The following COL4A3 variants were observed in gnomAD, a reference collection of about 807,000 sequenced individuals.
The protein encoded by COL4A3 is collagen type IV alpha 3 chain, also known as collagen alpha-3(IV) chain.
A neutral mutation model predicts 217.4 loss-of-function variants in COL4A3; 135 were observed. The ratio of observed to expected loss-of-function variants is 0.62; its 90% CI spans 0.54 to 0.72. The LOEUF is 0.72. Ranked by LOEUF, COL4A3 falls within the 30% of genes least tolerant of loss-of-function variation. The pLI is 0.00. For missense variants in COL4A3, 1,868 were observed against 2,119.9 expected, an observed-to-expected ratio of 0.88 and a Z score of 2.33; for synonymous variants, 690 against 736.3, an observed-to-expected ratio of 0.94 and a Z score of 1.02.
chr2:227,193,219 G>T (rs1176942254), intron 1 of COL4A3, among the ~76,000 whole-genome samples: 1 of 151,990 alleles, frequency 6.6e-6, no homozygotes, highest in African/African-American at 2.4e-5. Context: ...AAACAATGAA[G>T]GAATTCTACA....
rs1156248717 is a variant in COL4A3 at position 227,253,258 on chromosome 2, A to G, written c.646-38A>G. 16 of 1,574,248 alleles carry G rather than the reference A, an allele frequency of 1.0e-5. No homozygotes were observed. The highest frequency in any genetic ancestry group is 1.4e-5 in the Non-Finnish European group (16 of 1,143,962). The stretch of plus-strand genomic sequence containing the variant: ...GGGTTTAGACTATTTATTCATATTT[A>G]TTTTTAGAAAATAATTTGGTTTTGT... On this transcript the variant is annotated intron_variant, in intron 11 of 51. Coordinates refer to ENST00000396578, the MANE Select transcript of COL4A3 (RefSeq NM_000091.5). This position sits in a 1 kb window ranked among gnomAD's most constrained non-coding sequence, Gnocchi z 4.4.
intron 1 of COL4A3, among the ~76,000 whole-genome samples, chr2:227,225,763 G>A (rs2068056114): frequency 6.9e-6 from 1 of 145,638 alleles, no homozygotes. Context: ...CCAGACTGGA[G>A]TGTAGTGATG....
intron 1 of COL4A3, among the ~76,000 whole-genome samples, chr2:227,187,724 G>A (rs988647075): frequency 2.6e-5 from 4 of 152,142 alleles, no homozygotes; most frequent in Non-Finnish European, 5.9e-5. Context: ...GACAACCAAC[G>A]CATGTATGTC....
Position 227,195,882 on chromosome 2 carries a change from A to T in COL4A3, c.87+31069A>T, listed in dbSNP as rs182587662. Among the ~76,000 whole-genome samples the T allele has an allele frequency of 3.0e-3, 424 of 143,234 alleles. 3 individuals are homozygous for T. The highest frequency in any genetic ancestry group is 0.011 in the African/African-American group (406 of 38,160). The allele number at this position is 143,234 out of a possible 152,430, so 94.0% of individuals were successfully genotyped here. A position where few individuals can be genotyped will look rare whatever the true frequency, so the allele number is the denominator to read the frequency against. On this transcript the variant is annotated intron_variant, in intron 1 of 51. Coordinates refer to ENST00000396578, the MANE Select transcript of COL4A3 (RefSeq NM_000091.5). ...CCCGACCGTGTATAGGCCTAGGCTA[A>T]TGTGTGTGTTTGTGTCTGTATTCTT... is the stretch of plus-strand genomic sequence containing the variant.
At chr2:227,185,441 A>G (rs2066000253) in intron 1 of COL4A3, among the ~76,000 whole-genome samples, 1 of 152,234 alleles carries the variant, frequency 6.6e-6, no homozygotes, top group African/African-American at 2.4e-5. Flanking sequence ...TTTTAGCTGT[A>G]TGAGAAGAAG....
intron 1 of COL4A3, among the ~76,000 whole-genome samples, chr2:227,189,998 A>G (rs2066170965): frequency 6.6e-6 from 1 of 152,198 alleles, no homozygotes; most frequent in South Asian, 2.1e-4. Flanking sequence ...TTGGAGTTGC[A>G]TGCTCTAACG....
rs200512461 is a variant in COL4A3, at chr2:227,308,959, A to C, written c.4523A>C (p.Asn1508Thr). ...TTMPFLFCNV[N>T]DVCNFASRND... ...ATGCCATTCTTATTCTGCAATGTCA[A>C]TGATGTATGTAATTTTGCATCTCGA... The change falls in exon 49 of 52, where the codon AAT becomes ACT. Residue 1508 changes from asparagine to threonine, a missense_variant. Asn to Thr is a moderately conservative substitution (Grantham distance 65, BLOSUM62 0). Coordinates refer to ENST00000396578, the MANE Select transcript of COL4A3 (RefSeq NM_000091.5). The C allele has an allele frequency of 6.2e-7, 1 of 1,614,068 alleles. No individual in the cohort carries two copies. Among genetic ancestry groups the C allele is most frequent in the Non-Finnish European group, 8.5e-7 (1 of 1,180,036 alleles).
chr2:227,300,468 C>T (rs1297309976), intron 43 of COL4A3, among the ~76,000 whole-genome samples: 1 of 152,216 alleles, frequency 6.6e-6, no homozygotes, highest in African/African-American at 2.4e-5. Context: ...AGCCTGCAAT[C>T]TCTCAATTCA....
At chr2:227,215,365 CTGA>C (rs1396090962) in intron 1 of COL4A3, among the ~76,000 whole-genome samples, 4 of 152,134 alleles carry the variant, frequency 2.6e-5, no homozygotes, top group Non-Finnish European at 4.4e-5. Context: ...ATAAATCTGT[CTGA>C]TGTTTTTATG....
chr2:227,200,749 T>C (rs1455586513), intron 1 of COL4A3, among the ~76,000 whole-genome samples: 1 of 152,224 alleles, frequency 6.6e-6, no homozygotes, highest in African/African-American at 2.4e-5. Flanking sequence ...TGTAAACTTG[T>C]TTCTGTCATA....
Position 227,307,827 on chromosome 2 carries a change from T to A in COL4A3, c.4370T>A (p.Ile1457Asn). 1 of 1,614,156 alleles carries A rather than the reference T, an allele frequency of 6.2e-7. No individual in the cohort carries two copies. Among genetic ancestry groups the A allele is most frequent in the South Asian group, 1.1e-5 (1 of 91,078 alleles). The change falls in exon 48 of 52, where the codon ATT becomes AAT. Residue 1457 changes from isoleucine to asparagine, a missense_variant. Ile to Asn is a moderately radical substitution (Grantham distance 149). This residue lies in a region of COL4A3 where 1,503 missense variants were observed against 1,786.1 expected (regional missense o/e 0.84). Transcript: ENST00000396578. Reference protein sequence around the residue: ...VFTRHSQTTAIPSCPEGTVPL... With the variant: ...VFTRHSQTTANPSCPEGTVPL... ...ACCCGACACAGTCAAACCACAGCAA[T>A]TCCTTCATGTCCAGAGGGGACAGTG... is the stretch of plus-strand genomic sequence containing the variant.
chr2:227,258,616 C>T (rs983784173), intron 18 of COL4A3, among the ~76,000 whole-genome samples: 4 of 152,208 alleles, frequency 2.6e-5, no homozygotes, highest in African/African-American at 7.2e-5. Context: ...TGACCTGAGG[C>T]TGCTCAAAGC....
chr2:227,268,118 A>G (rs756184904), intron 23 of COL4A3, among the ~76,000 whole-genome samples: 1 of 152,174 alleles, frequency 6.6e-6, no homozygotes, highest in African/African-American at 2.4e-5. Flanking sequence ...TCTTCAGACA[A>G]TGTCATCAAA....
rs1330484646 is a variant in COL4A3, at chr2:227,219,486, A to G, written c.88-18482A>G. On this transcript the variant is annotated intron_variant, in intron 1 of 51. Transcript: ENST00000396578. ...TAATTCCCCCTTGGCTTTCTTGTCT[A>G]TCTGCTTCTAAGATTTTATTTACTT... Among the ~76,000 whole-genome samples the G allele has an allele frequency of 2.6e-5, 4 of 152,262 alleles. No homozygotes were observed. The East Asian group carries it at 7.7e-4, about 29-fold the overall frequency.
chr2:227,173,823 T>A (rs1250920861), intron 1 of COL4A3, among the ~76,000 whole-genome samples: 1 of 152,218 alleles, frequency 6.6e-6, no homozygotes, highest in Non-Finnish European at 1.5e-5. Flanking sequence ...CTATTAAGTC[T>A]TCAAGGTCTG....
In COL4A3 at chr2:227,246,364, C is replaced by T. The variant is rs975813520; in HGVS notation, c.388-321C>T. ...CTGTTCACTCACCTCCTTTTGTTTT[C>T]GAACTGAGCTCTCCTTTTCTCCAGA... is the stretch of plus-strand genomic sequence containing the variant. On this transcript the variant is annotated intron_variant, in intron 6 of 51. Coordinates refer to ENST00000396578, the MANE Select transcript of COL4A3 (RefSeq NM_000091.5). The T allele has an allele frequency of 2.2e-5, 11 of 499,360 alleles. No homozygotes were observed. In the East Asian group the frequency reaches 2.3e-4, roughly 10 times the overall value. The allele number at this position is 499,360 out of a possible 1,614,324, so 30.9% of individuals were successfully genotyped here.
At chr2:227,285,761 A>G (rs911981835) in intron 34 of COL4A3, among the ~76,000 whole-genome samples, 11 of 152,216 alleles carry the variant, frequency 7.2e-5, no homozygotes, top group African/African-American at 2.7e-4. Flanking sequence ...ATATGGGGCT[A>G]TTTCTATACT....
At chr2:227,243,740 C>T (rs947234165) in intron 3 of COL4A3, among the ~76,000 whole-genome samples, 1 of 152,210 alleles carries the variant, frequency 6.6e-6, no homozygotes, top group Non-Finnish European at 1.5e-5. Flanking sequence ...AGAAATAGGA[C>T]GTCGAAACTG....
At chr2:227,203,245 A>G (rs1284806606) in intron 1 of COL4A3, among the ~76,000 whole-genome samples, 8 of 31,338 alleles carry the variant, frequency 2.6e-4, no homozygotes, top group Non-Finnish European at 4.3e-4. Context: ...GTATATATAC[A>G]TATATGTATA....
Sources: gnomAD v4.1 joint callset for allele counts (sites outside exome capture counted in the v4.1 genomes callset) on GRCh38, gnomAD v4.1.1 for gene constraint, gnomAD v4.1.1 regional missense constraint, Gnocchi (gnomAD v3.1) non-coding constraint, MANE v1.5 for transcripts, NCBI Gene and HGNC (gene_info 2026-07-23, HGNC 2026-07-21) for gene names.